STMN1: variants seen among roughly 807,000 people sequenced by gnomAD.
STMN1 encodes the protein stathmin.
In STMN1, 3 loss-of-function variants were observed where a neutral mutation model predicts 19.7. That is an observed-to-expected ratio of 0.15 (90% CI 0.07 to 0.39). The LOEUF (loss-of-function observed/expected upper bound fraction) is 0.39, where lower values mean the gene tolerates loss of function less well. Ranked by LOEUF, STMN1 falls within the 10% of genes least tolerant of loss-of-function variation. The probability of loss-of-function intolerance (pLI) is 1.00; values close to 1 mark genes in which losing one functional copy is unlikely to be tolerated. For missense variants in STMN1, 99 were observed against 176.0 expected (o/e 0.56, Z 2.48); for synonymous variants, 59 against 58.9 (o/e 1.00, Z -0.01).
Position 25,903,755 on chromosome 1 carries a change from G to A in STMN1, c.72C>T (p.Leu24=). Residue 24 remains leucine (L), a synonymous_variant, in exon 3 of 5, where the codon CTC becomes CTT. Transcript: ENST00000455785. ...RASGQAFELI[L]SPRSKESVPE... ...GAACAGATTCTTTTGACCGAGGGCT[G>A]AGAATCAGCTCAAAAGCCTGGCCTG... is the stretch of plus-strand genomic sequence containing the variant. 2 of 1,614,022 alleles carry A rather than the reference G, an allele frequency of 1.2e-6. No homozygotes were observed. Among genetic ancestry groups the A allele is most frequent in the Non-Finnish European group, 1.7e-6 (2 of 1,180,052 alleles).
chr1:25,894,649 C>T (rs1219165403), intron 4 of STMN1, among the ~76,000 whole-genome samples: 1 of 152,144 alleles, frequency 6.6e-6, no homozygotes, highest in African/African-American at 2.4e-5. Context: ...CACTGCACTC[C>T]GGCCTGGGTG....
At chr1:25,897,709 C>T (rs1028106821), downstream of STMN1, among the ~76,000 whole-genome samples, 8 of 152,134 alleles carry the variant, frequency 5.3e-5, no homozygotes, top group African/African-American at 1.9e-4. Context: ...GAGCAGCCCC[C>T]CTTCCTGTGC....
chr1:25,894,554 C>G (rs963339745), intron 4 of STMN1, among the ~76,000 whole-genome samples: 1 of 152,010 alleles, frequency 6.6e-6, no homozygotes, highest in African/African-American at 2.4e-5. Context: ...GTGGCATGCA[C>G]CTATAGTCCA....
intron 4 of STMN1, chr1:25,892,453 G>T: frequency 4.5e-6 from 3 of 668,494 alleles, no homozygotes; most frequent in Non-Finnish European, 5.5e-6. Context: ...GCCTGTATTT[G>T]AGACCATCAC....
At chr1:25,901,341 A>G (rs1242067459) in intron 4 of STMN1, 150 bp downstream of exon 4, 2 of 1,160,558 alleles carry the variant, frequency 1.7e-6, no homozygotes, top group Non-Finnish European at 2.4e-6. Context: ...TGAATATTCC[A>G]TCTTAAAATA....
In STMN1 at chr1:25,888,917, C is replaced by T. The variant is rs78580957; in HGVS notation, c.379-3048G>A. ...ACTTAACAACAACAAAAACAATGGCCCCTCTCTCCCTTTCTCTGCCATCGT... is the reference window on the plus strand; with the variant it reads ...ACTTAACAACAACAAAAACAATGGCTCCTCTCTCCCTTTCTCTGCCATCGT... On this transcript the variant is annotated intron_variant, in intron 4 of 4. Coordinates refer to the STMN1 transcript ENST00000426559. 4.8e-3 allele frequency: 1,741 copies of T among 365,536 alleles called. 30 individuals carry two copies. The highest frequency in any genetic ancestry group is 0.036 in the African/African-American group (1,624 of 45,366). 22.6% of individuals were successfully genotyped at this position (365,536 alleles called of 1,614,324 possible).
At chr1:25,893,846 G>A (rs575775389) in intron 4 of STMN1, among the ~76,000 whole-genome samples, 56 of 152,196 alleles carry the variant, frequency 3.7e-4, no homozygotes, top group Non-Finnish European at 6.6e-4. Flanking sequence ...TGGCCAATGT[G>A]TACTGTTATT....
At chr1:25,901,221 C>G (rs1308053894) in intron 4 of STMN1, 134 bp from the exon 5 acceptor site, 89 of 1,456,680 alleles carry the variant, frequency 6.1e-5, no homozygotes, top group Non-Finnish European at 8.0e-5. Flanking sequence ...CTGTGGGAAC[C>G]ACACAATTTA....
chr1:25,887,884 G>A (rs1192727620), intron 4 of STMN1, among the ~76,000 whole-genome samples: 3 of 152,058 alleles, frequency 2.0e-5, no homozygotes, highest in Non-Finnish European at 4.4e-5. Flanking sequence ...ACGGGGTTTC[G>A]CCATTTTGGC....
At chr1:25,897,867 T>A (rs952909277), downstream of STMN1, among the ~76,000 whole-genome samples, 1 of 152,224 alleles carries the variant, frequency 6.6e-6, no homozygotes, top group Admixed American at 6.5e-5. Flanking sequence ...CACTGCCATT[T>A]TCCCAAGTGG....
downstream of STMN1, among the ~76,000 whole-genome samples, chr1:25,898,414 T>G (rs956561098): frequency 6.6e-6 from 1 of 152,214 alleles, no homozygotes; most frequent in African/African-American, 2.4e-5. Context: ...TACAAGTATG[T>G]GGTCGAGAGC....
chr1:25,885,800 A>T (rs1448240634), exon 5 of STMN1: 4 of 1,551,702 alleles, frequency 2.6e-6, no homozygotes, highest in Non-Finnish European at 1.7e-6. Flanking sequence ...GCAGGAACAG[A>T]GTGGAGACAA....
At chr1:25,885,945 CA>C (rs1382382244) in intron 4 of STMN1, 1 of 1,459,118 alleles carries the variant, frequency 6.9e-7, no homozygotes, top group East Asian at 2.5e-5. Flanking sequence ...GGCCCTTCAT[CA>C]GGGCTAAAAC....
chr1:25,887,569 T>C, intron 4 of STMN1: 1 of 249,296 alleles, frequency 4.0e-6, no homozygotes, highest in South Asian at 5.8e-5. Context: ...ATGTCCTTTA[T>C]AGTAGAGGTA....
chr1:25,899,822 G>A (rs568273097), downstream of STMN1, among the ~76,000 whole-genome samples: 1 of 152,180 alleles, frequency 6.6e-6, no homozygotes, highest in East Asian at 1.9e-4. Flanking sequence ...AGGCACATGC[G>A]TTAGCAACAC....
rs2048903771 is a variant in STMN1 at position 25,903,812 on chromosome 1, A to G, written c.15T>C (p.Asp5=). Residue 5 remains aspartate (D), a splice_region_variant and synonymous_variant, in exon 3 of 5, where the codon GAT becomes GAC. Coordinates refer to ENST00000455785, the MANE Select transcript of STMN1 (RefSeq NM_005563.4). The part of the protein sequence containing the change: MASS[D]IQVKELEKRA... ...GCTTCTCCAGTTCTTTCACCTGGAT[A>G]TCTAGAATTGATTATATTTATAATT... 1 of 1,595,794 alleles carries G rather than the reference A, an allele frequency of 6.3e-7. No homozygotes were observed. Among genetic ancestry groups the G allele is most frequent in the Non-Finnish European group, 8.5e-7 (1 of 1,174,556 alleles).
At position 25,904,707 on chromosome 1, in the gene STMN1, A is replaced by T. The variant is rs779081228; in HGVS notation, c.-31T>A. ...ATAGAAGACAAGCGACAGGCAGTGT[A>T]TTCTGCACAATCAACTGGGATAAGG... On this transcript the variant is annotated 5_prime_UTR_variant, in exon 2 of 5. Transcript: ENST00000455785. The T allele has an allele frequency of 9.3e-6, 15 of 1,610,284 alleles. No homozygotes were observed. Among genetic ancestry groups the T allele is most frequent in the African/African-American group, 1.3e-5 (1 of 74,778 alleles).
intron 1 of STMN1, chr1:25,905,132 T>A (rs1363108832): frequency 6.4e-6 from 1 of 156,672 alleles, no homozygotes; most frequent in Non-Finnish European, 1.4e-5. Context: ...ATTGTGCAAA[T>A]GAAATACCCA....
chr1:25,892,447 G>T, intron 4 of STMN1: 7 of 567,086 alleles, frequency 1.2e-5, no homozygotes, highest in Non-Finnish European at 1.3e-5. Flanking sequence ...TAAAAGGCCT[G>T]TATTTGAGAC....
Sources: gnomAD v4.1 joint callset for allele counts (sites outside exome capture counted in the v4.1 genomes callset) on GRCh38, gnomAD v4.1.1 for gene constraint, MANE v1.5 for transcripts, NCBI Gene and HGNC (gene_info 2026-07-23, HGNC 2026-07-21) for gene names.